The following PCDHA6 variants were observed in gnomAD, a reference collection of about 807,000 sequenced individuals.
The protein encoded by PCDHA6 is protocadherin alpha-6.
In PCDHA6, 55 loss-of-function variants were observed where a neutral mutation model predicts 60.3. That is an observed-to-expected ratio of 0.91 (90% CI 0.73 to 1.14). The LOEUF is 1.14. Among genes scored for constraint, PCDHA6 ranks in the 50% most tolerant of loss-of-function variants. The pLI, the probability that PCDHA6 is intolerant of heterozygous loss-of-function variation, is 0.00. For synonymous variants in PCDHA6, 652 were observed against 557.9 expected (o/e 1.17, Z -2.38); for missense variants, 1,327 against 1,256.5 (o/e 1.06, Z -0.85).
chr5:140,959,031 G>A (rs1554223798), intron 1 of PCDHA6, among the ~76,000 whole-genome samples: 1 of 151,806 alleles, frequency 6.6e-6, no homozygotes, highest in Non-Finnish European at 1.5e-5. Flanking sequence ...CTTTATCATG[G>A]GTATGTATGT....
rs2150246964 is a variant in PCDHA6, at chr5:140,835,869, G to A, written c.2394+5384G>A. On this transcript the variant is annotated intron_variant, in intron 1 of 3. Transcript: ENST00000529310. ...CGCGCTGGTGTCCTACTCGCTGGTG[G>A]AGCTGCGGGTGGGCGAGCGCGCGCT... The A allele has an allele frequency of 6.8e-6, 11 of 1,611,976 alleles. No individual in the cohort carries two copies. The African/African-American group carries it at 1.3e-4, about 20-fold the overall frequency.
intron 1 of PCDHA6, chr5:140,966,328 C>T: frequency 5.1e-6 from 2 of 392,484 alleles, no homozygotes; most frequent in Non-Finnish European, 9.0e-6. Context: ...CGCTGGGATC[C>T]GGCAGGTCCA....
intron 1 of PCDHA6, chr5:140,927,292 C>G (rs782109776): frequency 1.3e-5 from 21 of 1,614,162 alleles, no homozygotes; most frequent in Non-Finnish European, 1.7e-6. Context: ...GCTGCACATC[C>G]CCGAGTTCCT....
At chr5:140,989,410 C>T (rs568177388) in intron 3 of PCDHA6, among the ~76,000 whole-genome samples, 1 of 152,230 alleles carries the variant, frequency 6.6e-6, no homozygotes, top group South Asian at 2.1e-4. Context: ...GGAGAGTCTG[C>T]ACTTCACTCT....
At chr5:140,880,926 G>C (rs1554171610) in intron 1 of PCDHA6, among the ~76,000 whole-genome samples, 1 of 152,192 alleles carries the variant, frequency 6.6e-6, no homozygotes, top group African/African-American at 2.4e-5. Context: ...TACTATGTTA[G>C]TAAAAGTAAT....
chr5:140,873,065 C>G (rs1436390392), intron 1 of PCDHA6, among the ~76,000 whole-genome samples: 3 of 152,140 alleles, frequency 2.0e-5, no homozygotes, highest in Admixed American at 2.0e-4. Context: ...TCTTGAGAAT[C>G]ATATCTAGCT....
At chr5:140,853,355 C>G (rs1554146557) in intron 1 of PCDHA6, 1 of 981,160 alleles carries the variant, frequency 1.0e-6, no homozygotes, top group African/African-American at 1.8e-5. Context: ...CATGAACTCA[C>G]AGGGATCCAG....
At position 141,010,191 on chromosome 5, in the gene PCDHA6, C is replaced by T; in HGVS notation, c.*254C>T. 1 of 1,552,476 alleles carries T rather than the reference C, an allele frequency of 6.4e-7. No homozygotes were observed. The highest frequency in any genetic ancestry group is 1.4e-5 in the African/African-American group (1 of 73,166). ...AACCTAAAAAGCAGACCCAAGTTTCCTTTCTCCTCCGCCGCAAAGGAGAGG... is the reference window on the plus strand; with the variant it reads ...AACCTAAAAAGCAGACCCAAGTTTCTTTTCTCCTCCGCCGCAAAGGAGAGG... On this transcript the variant is annotated 3_prime_UTR_variant, in exon 4 of 4. Transcript: ENST00000529310.
At chr5:140,998,389 C>T (rs1386157244) in intron 3 of PCDHA6, among the ~76,000 whole-genome samples, 3 of 152,128 alleles carry the variant, frequency 2.0e-5, no homozygotes, top group Non-Finnish European at 4.4e-5. Flanking sequence ...AAGTTTAATG[C>T]CATCTTTATG....
chr5:140,971,263 C>T (rs1554233162), intron 1 of PCDHA6, among the ~76,000 whole-genome samples: 1 of 152,186 alleles, frequency 6.6e-6, no homozygotes, highest in African/African-American at 2.4e-5. Flanking sequence ...CTATTTCTGT[C>T]TTACACTGAC....
At position 140,875,707 on chromosome 5, in the gene PCDHA6, C is replaced by G. The variant is rs782640816; in HGVS notation, c.2394+45222C>G. ...ACACGGGGACCTTCTGGAGGTAAAT[C>G]TGCAGAATGGCATTTTGTTTGTGAA... On this transcript the variant is annotated intron_variant, in intron 1 of 3. Transcript: ENST00000529310. The G allele has an allele frequency of 6.2e-6, 10 of 1,614,048 alleles. No homozygotes were observed. In the South Asian group the frequency reaches 6.6e-5, roughly 11 times the overall value.
chr5:140,905,963 G>A (rs182775194), intron 1 of PCDHA6, among the ~76,000 whole-genome samples: 9 of 152,308 alleles, frequency 5.9e-5, no homozygotes, highest in Admixed American at 5.9e-4. Flanking sequence ...TCAAGGGGAG[G>A]AAGATCCAGC....
chr5:140,862,874 T>G (rs2047608966), intron 1 of PCDHA6: 1 of 568,426 alleles, frequency 1.8e-6, no homozygotes, highest in South Asian at 1.4e-5. Context: ...CTGCCAGGTA[T>G]TAGTGCTGGA....
chr5:140,981,468 G>A (rs1554242887), intron 2 of PCDHA6, among the ~76,000 whole-genome samples: 1 of 152,172 alleles, frequency 6.6e-6, no homozygotes, highest in Non-Finnish European at 1.5e-5. Context: ...CAGCTACTTG[G>A]GAGGCTGAGG....
chr5:140,850,152 G>A (rs1433217072), intron 1 of PCDHA6: 1 of 1,595,430 alleles, frequency 6.3e-7, no homozygotes, highest in Non-Finnish European at 8.6e-7. Flanking sequence ...GACGCTGCAG[G>A]TGTTCGTGCT....
At chr5:140,883,165 T>C in intron 1 of PCDHA6, 1 of 1,613,752 alleles carries the variant, frequency 6.2e-7, no homozygotes, top group Non-Finnish European at 8.5e-7. Context: ...ATCCGAACAA[T>C]GGAGAAATTA....
Position 141,010,957 on chromosome 5 carries a change from C to CT in PCDHA6, c.*1021dup, listed in dbSNP as rs1342734442. The CT allele has an allele frequency of 6.5e-5, 10 of 153,858 alleles. No homozygotes were observed. Among genetic ancestry groups the CT allele is most frequent in the African/African-American group, 2.4e-4 (10 of 41,554 alleles). The allele number at this position is 153,858 out of a possible 1,614,324, so 9.5% of individuals were successfully genotyped here. A position where few individuals can be genotyped will look rare whatever the true frequency, so the allele number is the denominator to read the frequency against. On this transcript the variant is annotated 3_prime_UTR_variant, in exon 4 of 4. Coordinates refer to ENST00000529310, the MANE Select transcript of PCDHA6 (RefSeq NM_018909.4). ...ACAGCCATTTAAATGATCATTGCTG[C>CT]TACAGAAGTGCTTTAAGAGAATTGC...
intron 1 of PCDHA6, chr5:140,875,502 A>G (rs201298546): frequency 1.7e-5 from 28 of 1,613,494 alleles, no homozygotes; most frequent in Non-Finnish European, 2.3e-5. Context: ...GAGGCCCGGG[A>G]TCCCAGCGTC....
intron 1 of PCDHA6, chr5:140,876,877 C>T: frequency 6.2e-7 from 1 of 1,614,138 alleles, no homozygotes; most frequent in Non-Finnish European, 8.5e-7. Context: ...GGAGAACAAC[C>T]CGCCGGGCTG....
Sources: gnomAD v4.1 joint callset for allele counts (sites outside exome capture counted in the v4.1 genomes callset) on GRCh38, gnomAD v4.1.1 for gene constraint, MANE v1.5 for transcripts, NCBI Gene and HGNC (gene_info 2026-07-23, HGNC 2026-07-21) for gene names.